CLCN5: variants seen among roughly 807,000 people sequenced by gnomAD.
CLCN5 encodes H(+)/Cl(-) exchange transporter 5.
A neutral mutation model predicts 54.0 loss-of-function variants in CLCN5; 17 were observed. The observed-to-expected ratio is 0.31, with a 90% confidence interval of 0.22 to 0.47. The LOEUF (loss-of-function observed/expected upper bound fraction) is 0.47. Ranked by LOEUF, CLCN5 falls within the 20% of genes least tolerant of loss-of-function variation. The pLI is 1.00. For missense variants in CLCN5, 448 were observed against 646.7 expected (o/e 0.69, Z 3.33); for synonymous variants, 222 against 233.0 (o/e 0.95, Z 0.43).
At chrX:49,998,484 A>G (rs1441147125) in intron 3 of CLCN5, among the ~76,000 whole-genome samples, 1 of 111,634 alleles carries the variant, frequency 9.0e-6, no homozygotes, top group Non-Finnish European at 1.9e-5. Context: ...TCCACACAAA[A>G]TGTGCAGATA....
intron 3 of CLCN5, among the ~76,000 whole-genome samples, chrX:49,932,772 T>G (rs1350224058): frequency 8.9e-6 from 1 of 112,458 alleles, no homozygotes; most frequent in Non-Finnish European, 1.9e-5. Context: ...GGTGGCAAAA[T>G]ATACGTCAGG....
intron 3 of CLCN5, among the ~76,000 whole-genome samples, chrX:49,991,922 G>A (rs781927281): frequency 8.9e-6 from 1 of 111,896 alleles, no homozygotes; most frequent in Non-Finnish European, 1.9e-5. Flanking sequence ...TAATCCATGT[G>A]CAGAGGTGCT....
At chrX:50,046,446 G>A (rs1434684538) in intron 4 of CLCN5, among the ~76,000 whole-genome samples, 3 of 111,820 alleles carry the variant, frequency 2.7e-5, no homozygotes, top group Non-Finnish European at 5.6e-5. Flanking sequence ...GGCAGGGAGA[G>A]CAACACAGAT....
At chrX:50,002,677 CTCTCTGTG>C (rs1447628522) in intron 3 of CLCN5, among the ~76,000 whole-genome samples, 1 of 101,064 alleles carries the variant, frequency 9.9e-6, no homozygotes, top group African/African-American at 3.7e-5. Flanking sequence ...CTCTCTCTCT[CTCTCTGTG>C]TGTGTGTGTG....
chrX:50,077,976 C>T (rs1328864687), intron 7 of CLCN5, among the ~76,000 whole-genome samples: 63 of 104,364 alleles, frequency 6.0e-4, no homozygotes, highest in African/African-American at 2.1e-3. Context: ...TGCAGTGAGC[C>T]GTGATCGCAC....
At chrX:50,003,058 C>A (rs966328948) in intron 3 of CLCN5, 4 of 303,085 alleles carry the variant, frequency 1.3e-5, no homozygotes, top group Non-Finnish European at 2.7e-5. Context: ...ACAAGCACAC[C>A]TTCTCATTAC....
At chrX:50,081,868 T>C in intron 9 of CLCN5, 21 bp downstream of exon 9, 6 of 1,166,818 alleles carry the variant, frequency 5.1e-6, no homozygotes, top group Non-Finnish European at 7.0e-6. Flanking sequence ...ATGGCCTTAA[T>C]AGTCTCTTTT....
chrX:50,017,532 T>G (rs1267584534), intron 3 of CLCN5, among the ~76,000 whole-genome samples: 3 of 111,878 alleles, frequency 2.7e-5, no homozygotes, highest in Non-Finnish European at 3.8e-5. Context: ...GCTTTTGGTG[T>G]TGTATCTAAA....
At chrX:50,040,924 A>AAAC (rs781991938) in intron 3 of CLCN5, among the ~76,000 whole-genome samples, 2 of 112,074 alleles carry the variant, frequency 1.8e-5, no homozygotes, top group South Asian at 3.7e-4. Flanking sequence ...TTAACTTTAA[A>AAAC]AACAACAACA....
At chrX:49,955,151 G>A (rs1315422463) in intron 3 of CLCN5, among the ~76,000 whole-genome samples, 5 of 111,494 alleles carry the variant, frequency 4.5e-5, no homozygotes, top group Non-Finnish European at 7.5e-5. Context: ...ACCTATCCCT[G>A]TGCCACCACC....
chrX:50,027,356 T>C (rs1931462119), intron 3 of CLCN5, among the ~76,000 whole-genome samples: 1 of 111,959 alleles, frequency 8.9e-6, no homozygotes, highest in Non-Finnish European at 1.9e-5. Flanking sequence ...ATTCCAGTTA[T>C]ATGTCTTTTG....
intron 4 of CLCN5, 71 bp from the exon 5 acceptor site, chrX:50,069,808 G>T: frequency 1.8e-6 from 2 of 1,111,664 alleles, no homozygotes; most frequent in South Asian, 2.3e-5. Context: ...CCGCCTTTTG[G>T]AACCAAAAAG....
At chrX:50,057,691 T>C (rs1212167576) in intron 4 of CLCN5, among the ~76,000 whole-genome samples, 1 of 100,752 alleles carries the variant, frequency 9.9e-6, no homozygotes, top group East Asian at 3.4e-4. Flanking sequence ...AGGACTCTCC[T>C]GGATAGTTTC....
chrX:50,011,014 A>G (rs1166769197), intron 3 of CLCN5, among the ~76,000 whole-genome samples: 2 of 111,151 alleles, frequency 1.8e-5, no homozygotes, highest in Non-Finnish European at 3.8e-5. Context: ...TGGAGAATCT[A>G]CTAAACCTCA....
chrX:50,074,388 G>A (rs1292354638), intron 6 of CLCN5, among the ~76,000 whole-genome samples: 1 of 111,372 alleles, frequency 9.0e-6, no homozygotes, highest in African/African-American at 3.3e-5. Context: ...TGGGGAGGAG[G>A]AGAGGTAGAA....
At chrX:49,994,730 A>G (rs782704982) in intron 3 of CLCN5, among the ~76,000 whole-genome samples, 38 of 111,843 alleles carry the variant, frequency 3.4e-4, no homozygotes, top group Admixed American at 5.7e-4. Context: ...TCTGCTGCAT[A>G]AACCCTAGGG....
chrX:50,084,487 T>C (rs60422491), intron 9 of CLCN5, among the ~76,000 whole-genome samples: 3,795 of 110,065 alleles, frequency 0.034, 167 homozygotes, highest in African/African-American at 0.12. Flanking sequence ...GCTTGAGCAA[T>C]TCTCCCACCT....
chrX:49,959,553 C>T (rs905248322), intron 3 of CLCN5, among the ~76,000 whole-genome samples: 9 of 112,268 alleles, frequency 8.0e-5, no homozygotes, highest in Non-Finnish European at 1.3e-4. Flanking sequence ...GTTTTCTCCA[C>T]AGTCATCTTA....
intron 3 of CLCN5, among the ~76,000 whole-genome samples, chrX:50,019,258 T>G (rs1930942235): frequency 9.0e-6 from 1 of 110,858 alleles, no homozygotes; most frequent in Non-Finnish European, 1.9e-5. Context: ...TATTATCTTT[T>G]TAATGACCAT....
Sources: allele counts gnomAD v4.1 joint callset (sites outside exome capture counted in the v4.1 genomes callset), GRCh38; gene constraint gnomAD v4.1.1; transcripts MANE v1.5; gene names NCBI Gene and HGNC (gene_info 2026-07-23, HGNC 2026-07-21).